Variants in ACVR1 observed in about 807,000 individuals in gnomAD.
ACVR1 encodes activin receptor type-1.
Under a neutral mutation model 57.1 loss-of-function variants are expected in ACVR1, and 38 were observed. The observed-to-expected ratio is 0.67, with a 90% CI of 0.51 to 0.87. The LOEUF (loss-of-function observed/expected upper bound fraction) is 0.87. ACVR1 is among the 40% of genes least tolerant of loss of function. ACVR1 has a pLI of 0.00. For synonymous variants in ACVR1, 212 were observed against 228.1 expected (o/e 0.93, Z 0.63); for missense variants, 463 against 638.2 (o/e 0.73, Z 2.96).
chr2:157,760,188 C>G (rs1050566481), intron 9 of ACVR1, among the ~76,000 whole-genome samples: 2 of 152,050 alleles, frequency 1.3e-5, no homozygotes, highest in East Asian at 1.9e-4. Context: ...AATCTTTTAT[C>G]TAGAAAGATA....
At chr2:157,858,208 G>A (rs1689599768) in intron 1 of ACVR1, among the ~76,000 whole-genome samples, 1 of 152,070 alleles carries the variant, frequency 6.6e-6, no homozygotes, top group Admixed American at 6.6e-5. Context: ...CCTGGGAGGA[G>A]CCTTCCCTTC....
chr2:157,849,521 A>T (rs536327089), intron 1 of ACVR1, among the ~76,000 whole-genome samples: 1 of 152,248 alleles, frequency 6.6e-6, no homozygotes, highest in Non-Finnish European at 1.5e-5. Flanking sequence ...GCCTACAAAC[A>T]TTATTGTATA....
At chr2:157,743,139 A>G (rs1684841893) in intron 9 of ACVR1, among the ~76,000 whole-genome samples, 1 of 152,008 alleles carries the variant, frequency 6.6e-6, no homozygotes. Context: ...TGGCATACCA[A>G]CTGTCATCGT....
intron 1 of ACVR1, among the ~76,000 whole-genome samples, chr2:157,828,613 CTG>C (rs1057424961): frequency 6.6e-5 from 10 of 152,098 alleles, no homozygotes; most frequent in African/African-American, 2.4e-4. Context: ...TAGCAAAACT[CTG>C]TTTCCAAAAA....
chr2:157,814,390 A>T (rs924658975), intron 2 of ACVR1, among the ~76,000 whole-genome samples: 2 of 152,210 alleles, frequency 1.3e-5, no homozygotes, highest in Non-Finnish European at 2.9e-5. Context: ...AATCTCAATC[A>T]AACTAAGAAA....
intron 1 of ACVR1, among the ~76,000 whole-genome samples, chr2:157,837,196 G>C (rs756398101): frequency 1.3e-5 from 2 of 152,216 alleles, no homozygotes; most frequent in East Asian, 3.8e-4. Flanking sequence ...ACATGTAACA[G>C]AGGCAGAGCT....
In ACVR1 at chr2:157,778,203, G is replaced by C; in HGVS notation, c.471C>G (p.Leu157=). The change falls in exon 5 of 11, where the codon CTC becomes CTG. Residue 157 remains leucine (L), a synonymous_variant. Transcript: ENST00000434821. ...TGCCATACTCCACGTCTCGGGGATT[G>C]AGGCGTTCTTGGTTGCGCCTTTTAA... ...RKFKRRNQER[L]NPRDVEYGTI... 1.2e-6 allele frequency: 2 copies of C among 1,614,094 alleles called. No homozygotes were observed.
At chr2:157,807,178 G>C (rs1687579438) in intron 2 of ACVR1, among the ~76,000 whole-genome samples, 1 of 152,168 alleles carries the variant, frequency 6.6e-6, no homozygotes, top group Non-Finnish European at 1.5e-5. Flanking sequence ...AATGTGAAAG[G>C]AAGTGAAAGG....
chr2:157,870,233 C>T lies in ACVR1; in HGVS notation c.-183+5563G>A, dbSNP rs56088155. Reference sequence around the variant, plus strand: ...ACTTTGCCCAAGATCACCCCACCTTCGTTCTCCCCTCTGTACATTTCTAAA... The same window carrying T: ...ACTTTGCCCAAGATCACCCCACCTTTGTTCTCCCCTCTGTACATTTCTAAA... On this transcript the variant is annotated intron_variant, in intron 1 of 10. Coordinates refer to ENST00000434821, the MANE Select transcript of ACVR1 (RefSeq NM_001111067.4). Among the ~76,000 whole-genome samples the T allele has an allele frequency of 5.4e-3, 809 of 151,002 alleles. 4 individuals carry two copies. The highest frequency in any genetic ancestry group is 9.1e-3 in the Non-Finnish European group (620 of 67,894).
At chr2:157,823,750 A>T (rs955436094) in intron 1 of ACVR1, among the ~76,000 whole-genome samples, 4 of 152,202 alleles carry the variant, frequency 2.6e-5, no homozygotes, top group Admixed American at 1.3e-4. Context: ...CGTAACCTCG[A>T]AACCCTCAAG....
intron 1 of ACVR1, among the ~76,000 whole-genome samples, chr2:157,828,706 T>C (rs1377681264): frequency 6.6e-6 from 1 of 152,202 alleles, no homozygotes; most frequent in African/African-American, 2.4e-5. Context: ...AATAACATAA[T>C]ACTTTTTATT....
intron 1 of ACVR1, among the ~76,000 whole-genome samples, chr2:157,831,366 G>T (rs998811663): frequency 6.6e-6 from 1 of 152,128 alleles, no homozygotes; most frequent in Non-Finnish European, 1.5e-5. Flanking sequence ...TGCTTAATGC[G>T]TGAGTCATCT....
chr2:157,755,548 C>T (rs1214417094), intron 9 of ACVR1, among the ~76,000 whole-genome samples: 8 of 151,556 alleles, frequency 5.3e-5, no homozygotes, highest in Admixed American at 5.3e-4. Context: ...CATACCATAC[C>T]ATACCATACC....
At chr2:157,748,035 C>CA (rs1346103302) in intron 9 of ACVR1, among the ~76,000 whole-genome samples, 1 of 151,990 alleles carries the variant, frequency 6.6e-6, no homozygotes, top group Non-Finnish European at 1.5e-5. Context: ...CTCTACCTTC[C>CA]TTTTTTTTCT....
intron 1 of ACVR1, among the ~76,000 whole-genome samples, chr2:157,840,962 A>G (rs1184450339): frequency 6.6e-6 from 1 of 152,230 alleles, no homozygotes; most frequent in Non-Finnish European, 1.5e-5. Context: ...TACAGACTAT[A>G]AATAGCCTCC....
intron 1 of ACVR1, among the ~76,000 whole-genome samples, chr2:157,856,502 G>A (rs1471900526): frequency 1.3e-5 from 2 of 152,182 alleles, no homozygotes; most frequent in Non-Finnish European, 2.9e-5. Context: ...GATAAATGTG[G>A]AGAATGTTTA....
chr2:157,845,637 G>A (rs556373895), intron 1 of ACVR1, among the ~76,000 whole-genome samples: 1 of 151,104 alleles, frequency 6.6e-6, no homozygotes, highest in South Asian at 2.1e-4. Flanking sequence ...CAGATGGTGA[G>A]GGGAATGCTG....
intron 9 of ACVR1, among the ~76,000 whole-genome samples, chr2:157,751,960 C>G (rs1247242815): frequency 2.0e-5 from 3 of 152,212 alleles, no homozygotes; most frequent in African/African-American, 7.2e-5. Flanking sequence ...ACAGCTAATG[C>G]TCTCTTGAAA....
At chr2:157,813,069 G>A (rs906808521) in intron 2 of ACVR1, among the ~76,000 whole-genome samples, 1 of 152,084 alleles carries the variant, frequency 6.6e-6, no homozygotes, top group South Asian at 2.1e-4. Flanking sequence ...TTCATGGGGG[G>A]AGAGGGTGGT....
Sources: gnomAD v4.1 joint callset for allele counts (sites outside exome capture counted in the v4.1 genomes callset) on GRCh38, gnomAD v4.1.1 for gene constraint, MANE v1.5 for transcripts, NCBI Gene and HGNC (gene_info 2026-07-23, HGNC 2026-07-21) for gene names.